The following ZNF75D variants were observed in gnomAD, a reference collection of about 807,000 sequenced individuals.
The protein encoded by ZNF75D is zinc finger protein 75D.
A neutral mutation model predicts 33.3 loss-of-function variants in ZNF75D; 33 were observed. The observed-to-expected ratio is 0.99, with a 90% CI of 0.75 to 1.32. The LOEUF (loss-of-function observed/expected upper bound fraction) is 1.32. Among genes scored for constraint, ZNF75D ranks in the 40% most tolerant of loss-of-function variants. The probability of loss-of-function intolerance (pLI) is 0.00; values close to 1 mark genes in which losing one functional copy is unlikely to be tolerated. For missense variants in ZNF75D, 338 were observed against 367.5 expected, an observed-to-expected ratio of 0.92 and a Z score of 0.66; for synonymous variants, 113 against 130.6, an observed-to-expected ratio of 0.87 and a Z score of 0.92.
At chrX:135,266,786 G>T (rs782313385) in intron 1 of ZNF75D, among the ~76,000 whole-genome samples, 1 of 111,847 alleles carries the variant, frequency 8.9e-6, no homozygotes, top group African/African-American at 3.2e-5. Context: ...GGACTTAATA[G>T]ATATTTACAG....
rs1245371346 is a variant in ZNF75D, at chrX:135,342,617, G to C, written c.-1240C>G. ...GCTCCTGTTCCTCTCAATTAGACAA[G>C]CTTACTTGGGTGGCCCTGGGGCAAT... On this transcript the variant is annotated 5_prime_UTR_variant, in exon 1 of 7. Transcript: ENST00000370766. 1 of 111,670 alleles carries C rather than the reference G, an allele frequency of 9.0e-6. No homozygotes were observed. The highest frequency in any genetic ancestry group is 1.9e-5 in the Non-Finnish European group (1 of 53,383). 9.2% of individuals were successfully genotyped at this position (111,670 alleles called of 1,213,427 possible).
chrX:135,273,388 C>A (rs1469769446), intron 1 of ZNF75D, among the ~76,000 whole-genome samples: 2 of 111,585 alleles, frequency 1.8e-5, no homozygotes, highest in Admixed American at 1.9e-4. Flanking sequence ...ACCTTCTTTT[C>A]TTATGCTAAA....
chrX:135,325,637 G>A (rs782647851), intron 1 of ZNF75D, among the ~76,000 whole-genome samples: 100 of 112,545 alleles, frequency 8.9e-4, no homozygotes, highest in Middle Eastern at 9.3e-3. Flanking sequence ...CCCCAGCAGC[G>A]CCAGCCCACC....
At chrX:135,257,880 T>C (rs2083813395) in intron 1 of ZNF75D, among the ~76,000 whole-genome samples, 1 of 110,857 alleles carries the variant, frequency 9.0e-6, no homozygotes, top group African/African-American at 3.3e-5. Flanking sequence ...ATGCTGGTTT[T>C]ATACATGTGC....
intron 1 of ZNF75D, among the ~76,000 whole-genome samples, chrX:135,307,516 G>A (rs1358102239): frequency 9.0e-6 from 1 of 111,414 alleles, no homozygotes; most frequent in Non-Finnish European, 1.9e-5. Context: ...ACCCACCTGC[G>A]TCACACTTTA....
At chrX:135,336,491 C>T (rs1377110110) in intron 1 of ZNF75D, among the ~76,000 whole-genome samples, 1 of 112,491 alleles carries the variant, frequency 8.9e-6, no homozygotes, top group Non-Finnish European at 1.9e-5. Context: ...TTAGGCAGCC[C>T]TCATGATCTG....
At chrX:135,266,776 G>A (rs782200699) in intron 1 of ZNF75D, among the ~76,000 whole-genome samples, 14 of 111,809 alleles carry the variant, frequency 1.3e-4, no homozygotes, top group Non-Finnish European at 2.5e-4. Flanking sequence ...TAGAACAAAT[G>A]GACTTAATAG....
At chrX:135,276,670 C>T (rs904191485) in intron 1 of ZNF75D, among the ~76,000 whole-genome samples, 18 of 105,270 alleles carry the variant, frequency 1.7e-4, no homozygotes, top group Admixed American at 4.1e-4. Flanking sequence ...CCCCAGTGTG[C>T]GATGTTCCCC....
chrX:135,286,470 G>T lies in ZNF75D; in HGVS notation c.*667C>A, dbSNP rs1255022259. 1.8e-5 allele frequency: 2 copies of T among 112,358 alleles called. No homozygotes were observed. The highest frequency in any genetic ancestry group is 3.2e-5 in the African/African-American group (1 of 30,918). 9.3% of individuals were successfully genotyped at this position (112,358 alleles called of 1,213,427 possible). On this transcript the variant is annotated 3_prime_UTR_variant, in exon 7 of 7. Transcript: ENST00000370766. ...GTCAGCAAGAGGAGAGATATCAAGT[G>T]CTTGCAAGGTCCCTAGGCCTGTCCT...
At chrX:135,323,536 C>T (rs2084523131) in intron 1 of ZNF75D, among the ~76,000 whole-genome samples, 1 of 111,783 alleles carries the variant, frequency 8.9e-6, no homozygotes, top group African/African-American at 3.3e-5. Context: ...TTGCACAGGG[C>T]ATTATTCTTT....
chrX:135,330,508 T>C (rs951252089), intron 1 of ZNF75D: 4 of 111,784 alleles, frequency 3.6e-5, no homozygotes, highest in Non-Finnish European at 7.5e-5. Flanking sequence ...AAGTCCAACA[T>C]GTCCCCCAAC....
chrX:135,278,817 C>T (rs1415221074), intron 1 of ZNF75D, among the ~76,000 whole-genome samples: 2 of 112,004 alleles, frequency 1.8e-5, no homozygotes, highest in Non-Finnish European at 3.8e-5. Flanking sequence ...GTTGAACCAG[C>T]CTTGCATCCC....
intron 1 of ZNF75D, among the ~76,000 whole-genome samples, chrX:135,319,289 G>C (rs1328556046): frequency 8.9e-6 from 1 of 112,225 alleles, no homozygotes; most frequent in East Asian, 2.8e-4. Context: ...TGGTTTCTTG[G>C]ATTCTGTAAA....
At chrX:135,263,200 G>A (rs1260160847) in intron 1 of ZNF75D, among the ~76,000 whole-genome samples, 1 of 112,283 alleles carries the variant, frequency 8.9e-6, no homozygotes, top group Admixed American at 9.4e-5. Context: ...CATCCCAGAG[G>A]GGTAGACGCC....
intron 1 of ZNF75D, among the ~76,000 whole-genome samples, chrX:135,334,141 C>T (rs1360462105): frequency 8.9e-6 from 1 of 111,905 alleles, no homozygotes; most frequent in Non-Finnish European, 1.9e-5. Flanking sequence ...AAGACTTTAA[C>T]CTGAAAACCA....
In ZNF75D at chrX:135,292,341, C is replaced by G. The variant is rs782234936; in HGVS notation, c.544G>C (p.Val182Leu). The change falls in exon 4 of 7, where the codon GTA becomes CTA. Residue 182 changes from valine (V) to leucine (L), a missense_variant. Around this residue, in one of 3 missense-constraint regions of ZNF75D, gnomAD observed 254 missense variants for 267.7 expected, o/e 0.95. Transcript: ENST00000370766. ...TTCCAGCCCAGCTGTTCTTGTAGTACCCGGTATGTATTCCAATATTCTTTC... is the reference window on the plus strand; with the variant it reads ...TTCCAGCCCAGCTGTTCTTGTAGTAGCCGGTATGTATTCCAATATTCTTTC... ...FQKEYWNTYR[V>L]LQEQLGWNTH... The G allele has an allele frequency of 1.2e-5, 14 of 1,209,999 alleles. No individual in the cohort carries two copies. The Admixed American group carries it at 3.1e-4, about 26-fold the overall frequency.
intron 1 of ZNF75D, among the ~76,000 whole-genome samples, chrX:135,310,758 TTAGA>T (rs1238681824): frequency 9.0e-6 from 1 of 111,149 alleles, no homozygotes; most frequent in Non-Finnish European, 1.9e-5. Flanking sequence ...TGGATCTGTA[TTAGA>T]TAGAAAATTT....
At chrX:135,322,226 C>A (rs1361534018) in intron 1 of ZNF75D, among the ~76,000 whole-genome samples, 1 of 112,058 alleles carries the variant, frequency 8.9e-6, no homozygotes, top group Admixed American at 9.4e-5. Flanking sequence ...CGGACCCCCG[C>A]AGCTGCCAAA....
At position 135,337,982 on chromosome X, in the gene ZNF75D, C is replaced by T. The variant is rs190780906; in HGVS notation, c.-391+3786G>A. On this transcript the variant is annotated intron_variant, in intron 1 of 6. Transcript: ENST00000370766. ...TTGAGGATTTTGGGGGTTGAGAAGC[C>T]CTGAGAGGTGAAGGATCTACTGTCA... Among the ~76,000 whole-genome samples the T allele has an allele frequency of 2.5e-4, 27 of 109,911 alleles. No individual in the cohort carries two copies. In the East Asian group the frequency reaches 6.8e-3, roughly 28 times the overall value.
Sources: allele counts gnomAD v4.1 joint callset (sites outside exome capture counted in the v4.1 genomes callset), GRCh38; gene constraint gnomAD v4.1.1; regional missense constraint gnomAD v4.1.1; transcripts MANE v1.5; gene names NCBI Gene and HGNC (gene_info 2026-07-23, HGNC 2026-07-21).